Variants in ALDH9A1 observed in about 807,000 individuals in gnomAD.
The protein encoded by ALDH9A1 is 4-trimethylaminobutyraldehyde dehydrogenase.
In ALDH9A1, 42 loss-of-function variants were observed where a neutral mutation model predicts 56.6. That is an observed-to-expected ratio of 0.74 (90% CI 0.58 to 0.96). The LOEUF (loss-of-function observed/expected upper bound fraction) is 0.96, where lower values mean the gene tolerates loss of function less well. Ranked by LOEUF, ALDH9A1 falls within the 40% of genes least tolerant of loss-of-function variation. The pLI, the probability that ALDH9A1 is intolerant of heterozygous loss-of-function variation, is 0.00. For missense variants in ALDH9A1, 661 were observed against 651.5 expected (o/e 1.01, Z -0.16); for synonymous variants, 242 against 236.0 (o/e 1.03, Z -0.23).
intron 6 of ALDH9A1, among the ~76,000 whole-genome samples, chr1:165,674,981 T>C (rs527613783): frequency 2.6e-5 from 4 of 152,188 alleles, no homozygotes; most frequent in Admixed American, 6.5e-5. Flanking sequence ...TCGCCTGAGC[T>C]CAGGAGTTCA....
At chr1:165,680,335 A>G in intron 5 of ALDH9A1, 152 bp downstream of exon 5, 1 of 820,166 alleles carries the variant, frequency 1.2e-6, no homozygotes, top group East Asian at 2.5e-5. Context: ...TTTACAGGAA[A>G]TTTCACACCT....
intron 10 of ALDH9A1, 92 bp downstream of exon 10, chr1:165,664,926 T>C: frequency 2.1e-6 from 2 of 964,694 alleles, no homozygotes; most frequent in Non-Finnish European, 3.3e-6. Context: ...AATTCAGATA[T>C]GCAGACAGGT....
chr1:165,695,742 C>T (rs958942695), intron 1 of ALDH9A1, among the ~76,000 whole-genome samples: 45 of 152,120 alleles, frequency 3.0e-4, no homozygotes, highest in Middle Eastern at 6.8e-3. Flanking sequence ...GTGACCCACC[C>T]GCCTCAGCCT....
At position 165,679,579 on chromosome 1, in the gene ALDH9A1, T is replaced by C; in HGVS notation, c.793A>G (p.Met265Val). 6.2e-7 allele frequency: 1 copy of C among 1,614,198 alleles called. No homozygotes were observed. Among genetic ancestry groups the C allele is most frequent in the Non-Finnish European group, 8.5e-7 (1 of 1,180,020 alleles). Reference protein sequence around the residue: ...TGSVPTGMKIMEMSAKGIKPV... With the variant: ...TGSVPTGMKIVEMSAKGIKPV... ...TTGATTCCTTTAGCTGACATCTCCA[T>C]GATCTTGCAGAACAAGGACAAGGTA... Residue 265 changes from methionine (M) to valine (V), a missense_variant, in exon 6 of 11, where the codon ATG (methionine) becomes GTG (valine). Transcript: ENST00000354775.
chr1:165,674,443 T>C (rs1649282873), intron 6 of ALDH9A1, among the ~76,000 whole-genome samples: 1 of 151,870 alleles, frequency 6.6e-6, no homozygotes, highest in Non-Finnish European at 1.5e-5. Context: ...TCCCAGCACT[T>C]TGGGAGGCCG....
chr1:165,677,100 C>T (rs774965048), intron 6 of ALDH9A1, among the ~76,000 whole-genome samples: 39 of 152,144 alleles, frequency 2.6e-4, no homozygotes, highest in Non-Finnish European at 3.8e-4. Flanking sequence ...AGGCCGGGCA[C>T]GGTGGCACAT....
chr1:165,675,243 T>C (rs1221071010), intron 6 of ALDH9A1, among the ~76,000 whole-genome samples: 2 of 144,244 alleles, frequency 1.4e-5, no homozygotes, highest in African/African-American at 5.1e-5. Flanking sequence ...ACAATTATTT[T>C]TAGTGCTCTC....
At chr1:165,694,307 A>G (rs1291885044) in intron 2 of ALDH9A1, among the ~76,000 whole-genome samples, 1 of 151,810 alleles carries the variant, frequency 6.6e-6, no homozygotes, top group Non-Finnish European at 1.5e-5. Flanking sequence ...AACAAAAGAA[A>G]CCTTTTGTTT....
At chr1:165,665,597 T>C (rs908786440) in intron 9 of ALDH9A1, among the ~76,000 whole-genome samples, 2 of 151,432 alleles carry the variant, frequency 1.3e-5, no homozygotes, top group Admixed American at 6.6e-5. Context: ...AAGTAACAGA[T>C]AAAAAAAACA....
intron 2 of ALDH9A1, among the ~76,000 whole-genome samples, chr1:165,685,045 C>T (rs1039727813): frequency 1.4e-4 from 21 of 152,112 alleles, no homozygotes; most frequent in African/African-American, 4.3e-4. Flanking sequence ...TGATATAGTA[C>T]GTAAGGATCA....
At chr1:165,671,677 C>T (rs1421236817) in intron 6 of ALDH9A1, 4 of 471,420 alleles carry the variant, frequency 8.5e-6, no homozygotes, top group African/African-American at 2.0e-5. Context: ...CCAAGTGAGT[C>T]CTCTCTCCCA....
intron 6 of ALDH9A1, among the ~76,000 whole-genome samples, chr1:165,672,851 C>A (rs1404973422): frequency 6.6e-6 from 1 of 151,862 alleles, no homozygotes; most frequent in African/African-American, 2.4e-5. Context: ...GTGGGAATAT[C>A]ACTTGAGCTT....
At position 165,680,454 on chromosome 1, in the gene ALDH9A1, A is replaced by G. The variant is rs768676900; in HGVS notation, c.789+33T>C. 1.7e-5 allele frequency: 27 copies of G among 1,606,686 alleles called. No individual in the cohort carries two copies. In the Admixed American group the frequency reaches 2.6e-4, roughly 15 times the overall value. ...ACCGGATTTGCCACATCCAAATGCC[A>G]TGTGTGTTGACCAATACTGGTTTTG... On this transcript the variant is annotated intron_variant, in intron 5 of 10. Transcript: ENST00000354775.
At chr1:165,668,719 T>C in intron 8 of ALDH9A1, 1 of 419,566 alleles carries the variant, frequency 2.4e-6, no homozygotes, top group Admixed American at 4.2e-5. Context: ...TGGTCCTGGA[T>C]AAACTAATAC....
chr1:165,667,577 G>A, intron 8 of ALDH9A1, 127 bp from the exon 9 acceptor site: 3 of 967,024 alleles, frequency 3.1e-6, no homozygotes, highest in African/African-American at 1.6e-5. Flanking sequence ...CTGGGCTCCA[G>A]CGATCCTCCT....
At chr1:165,678,198 G>A (rs1649429542) in intron 6 of ALDH9A1, among the ~76,000 whole-genome samples, 1 of 152,110 alleles carries the variant, frequency 6.6e-6, no homozygotes, top group South Asian at 2.1e-4. Context: ...GCTGGGCATG[G>A]TGGCGGGCAC....
At chr1:165,676,298 G>C (rs1195073918) in intron 6 of ALDH9A1, 1 of 157,140 alleles carries the variant, frequency 6.4e-6, no homozygotes, top group Non-Finnish European at 1.4e-5. Flanking sequence ...CCGTCTTCCA[G>C]TAATTCACCA....
In ALDH9A1 at chr1:165,681,358, A is replaced by G. The variant is rs543792876; in HGVS notation, c.593-675T>C. On this transcript the variant is annotated intron_variant, in intron 4 of 10. Coordinates refer to ENST00000354775, the MANE Select transcript of ALDH9A1 (RefSeq NM_000696.4). ...TTAGCTCCATTTTATAAAAGTTGAC[A>G]TTGAAGACCAGAATGGTTCACTTGA... 3.0e-4 allele frequency among the ~76,000 whole-genome samples: 46 copies of G among 152,202 alleles called. 1 individual carries two copies. The highest frequency in any genetic ancestry group is 6.2e-4 in the Non-Finnish European group (42 of 68,042).
In ALDH9A1 at chr1:165,698,493, G is replaced by A. The variant is rs763527419; in HGVS notation, c.66C>T (p.Val22=). The part of the protein sequence containing the change: ...PLLRSLRPSP[V]AAMSTGTFVV... ...CGAAGGTGCCAGTGCTCATGGCGGC[G>A]ACAGGAGAGGGCCGAAGACTGCGAA... The change falls in exon 1 of 11, where the codon GTC becomes GTT. Residue 22 remains valine (V), a synonymous_variant. Coordinates refer to ENST00000354775, the MANE Select transcript of ALDH9A1 (RefSeq NM_000696.4). The A allele has an allele frequency of 3.7e-6, 6 of 1,608,954 alleles. No individual in the cohort carries two copies. The highest frequency in any genetic ancestry group is 1.3e-5 in the African/African-American group (1 of 74,250).
Sources: gnomAD v4.1 joint callset for allele counts (sites outside exome capture counted in the v4.1 genomes callset) on GRCh38, gnomAD v4.1.1 for gene constraint, MANE v1.5 for transcripts, NCBI Gene and HGNC (gene_info 2026-07-23, HGNC 2026-07-21) for gene names.